The following TMEM132D variants were observed in gnomAD, a reference collection of about 807,000 sequenced individuals.
TMEM132D encodes transmembrane protein 132D.
A neutral mutation model predicts 62.3 loss-of-function variants in TMEM132D; 21 were observed. The ratio of observed to expected loss-of-function variants is 0.34; its 90% CI spans 0.24 to 0.49. TMEM132D has a LOEUF of 0.49. TMEM132D is among the 20% of genes least tolerant of loss of function. TMEM132D has a pLI of 0.99. For synonymous variants in TMEM132D, 621 were observed against 575.6 expected, an observed-to-expected ratio of 1.08 and a Z score of -1.13; for missense variants, 1,346 against 1,402.8, an observed-to-expected ratio of 0.96 and a Z score of 0.65.
chr12:129,752,402 T>A (rs959261915), intron 1 of TMEM132D, among the ~76,000 whole-genome samples: 5 of 152,228 alleles, frequency 3.3e-5, no homozygotes, highest in African/African-American at 1.2e-4. Context: ...TGTCAACATC[T>A]CTATGCAGGA....
intron 5 of TMEM132D, among the ~76,000 whole-genome samples, chr12:129,141,272 C>T (rs887630757): frequency 2.0e-5 from 3 of 152,128 alleles, no homozygotes; most frequent in African/African-American, 7.2e-5. Flanking sequence ...GTTTACTGAG[C>T]ACTTTTTATG....
chr12:129,336,585 A>AG (rs956606453), intron 4 of TMEM132D, among the ~76,000 whole-genome samples: 8 of 152,146 alleles, frequency 5.3e-5, no homozygotes, highest in African/African-American at 1.9e-4. Context: ...GAAAAAAAAA[A>AG]GAACATTACA....
At chr12:129,179,453 G>T (rs1372976619) in intron 5 of TMEM132D, among the ~76,000 whole-genome samples, 1 of 152,128 alleles carries the variant, frequency 6.6e-6, no homozygotes, top group African/African-American at 2.4e-5. Context: ...TTCTGTGGGA[G>T]ACAAGGGTGA....
chr12:129,455,011 C>T (rs528434427), intron 3 of TMEM132D, among the ~76,000 whole-genome samples: 89 of 152,346 alleles, frequency 5.8e-4, no homozygotes, highest in African/African-American at 2.0e-3. Flanking sequence ...TCAGCCCCGT[C>T]TCTCAGGACC....
intron 1 of TMEM132D, among the ~76,000 whole-genome samples, chr12:129,750,439 T>A (rs1754666587): frequency 6.6e-6 from 1 of 152,218 alleles, no homozygotes; most frequent in African/African-American, 2.4e-5. Context: ...GTTCTGAGAA[T>A]TTTCATCATA....
At chr12:129,241,133 C>T (rs1879925853) in intron 4 of TMEM132D, among the ~76,000 whole-genome samples, 1 of 139,846 alleles carries the variant, frequency 7.2e-6, no homozygotes, top group East Asian at 2.1e-4. Flanking sequence ...CCTTACCATG[C>T]TTCAGCCCTC....
At chr12:129,715,696 G>A (rs1868545880) in intron 1 of TMEM132D, among the ~76,000 whole-genome samples, 1 of 152,156 alleles carries the variant, frequency 6.6e-6, no homozygotes, top group Non-Finnish European at 1.5e-5. Flanking sequence ...TCTGTCTGAT[G>A]TCCTCGATTA....
At chr12:129,103,438 C>G (rs970452620) in intron 5 of TMEM132D, among the ~76,000 whole-genome samples, 1 of 152,208 alleles carries the variant, frequency 6.6e-6, no homozygotes, top group African/African-American at 2.4e-5. Flanking sequence ...GAGGAGCCAG[C>G]AACAGCTGAG....
intron 4 of TMEM132D, among the ~76,000 whole-genome samples, chr12:129,264,433 G>T (rs530955762): frequency 2.4e-4 from 37 of 152,242 alleles, no homozygotes; most frequent in African/African-American, 8.7e-4. Context: ...TTTTGGCGTG[G>T]ATGCTGTGAT....
In TMEM132D at chr12:129,239,626, C is replaced by T. The variant is rs114548559; in HGVS notation, c.1300-29963G>A. 4.9e-3 allele frequency among the ~76,000 whole-genome samples: 741 copies of T among 152,202 alleles called. 4 individuals are homozygous for T. The highest frequency in any genetic ancestry group is 0.016 in the African/African-American group (685 of 41,540). ...GAAGAGAGAGATTTGGGAATAGACA[C>T]GGAAGCAGAGAGAATGCCATCTGAT... On this transcript the variant is annotated intron_variant, in intron 4 of 8. Transcript: ENST00000422113.
intron 1 of TMEM132D, among the ~76,000 whole-genome samples, chr12:129,830,341 T>A (rs1243422333): frequency 1.3e-5 from 2 of 152,058 alleles, no homozygotes; most frequent in Admixed American, 1.3e-4. Context: ...GCCCTCAAAA[T>A]CACTAAAAGC....
intron 2 of TMEM132D, among the ~76,000 whole-genome samples, chr12:129,633,422 T>C (rs923098323): frequency 2.6e-5 from 4 of 152,214 alleles, no homozygotes; most frequent in East Asian, 1.9e-4. Context: ...AGCTTTCTTA[T>C]ATGTCACCTG....
chr12:129,125,928 G>C (rs775801541), intron 5 of TMEM132D, among the ~76,000 whole-genome samples: 1 of 152,156 alleles, frequency 6.6e-6, no homozygotes, highest in Non-Finnish European at 1.5e-5. Flanking sequence ...TTGAAACAGA[G>C]TAAACAGGGT....
chr12:129,659,853 G>A (rs1420534080), intron 2 of TMEM132D, among the ~76,000 whole-genome samples: 1 of 152,178 alleles, frequency 6.6e-6, no homozygotes, highest in Non-Finnish European at 1.5e-5. Flanking sequence ...TTTCAACTGA[G>A]AAACAAAATT....
At chr12:129,200,861 CAGTTGTTTACTCAGCT>C (rs1271453535) in intron 5 of TMEM132D, among the ~76,000 whole-genome samples, 1 of 152,194 alleles carries the variant, frequency 6.6e-6, no homozygotes, top group African/African-American at 2.4e-5. Context: ...CTCTTCCTCC[CAGTTGTTTACTCAGCT>C]TGTTAAGCGT....
rs2123070 is a variant in TMEM132D at position 129,788,520 on chromosome 12, C to T, written c.80-87822G>A. ...AGATATAGAGATATAGCTATAAATA[C>T]AGATCATCAAACTGAAAGTAGAAGA... On this transcript the variant is annotated intron_variant, in intron 1 of 8. Transcript: ENST00000422113. Among the ~76,000 whole-genome samples, 297 of 152,266 alleles carry T rather than the reference C, an allele frequency of 2.0e-3. 1 individual carries two copies. Among genetic ancestry groups the T allele is most frequent in the African/African-American group, 6.8e-3 (282 of 41,546 alleles).
chr12:129,491,941 C>CAAAA (rs10673817), intron 3 of TMEM132D, among the ~76,000 whole-genome samples: 1,647 of 149,254 alleles, frequency 0.011, 25 homozygotes, highest in African/African-American at 0.038. Context: ...GATTCTGTCT[C>CAAAA]AAAAAAAAAA....
intron 1 of TMEM132D, among the ~76,000 whole-genome samples, chr12:129,765,794 T>C (rs1870532030): frequency 1.3e-5 from 2 of 152,200 alleles, no homozygotes; most frequent in South Asian, 4.1e-4. Context: ...AAATAAACTT[T>C]AAACCATGTT....
intron 5 of TMEM132D, among the ~76,000 whole-genome samples, chr12:129,144,925 T>TCTATCTATCTATCTATCTATCTAC (rs1555232599): frequency 3.4e-5 from 5 of 147,548 alleles, no homozygotes; most frequent in African/African-American, 1.2e-4. Flanking sequence ...TATCTATCTA[T>TCTATCTATCTATCTATCTATCTAC]CTACCTATCA....
Sources: gnomAD v4.1 joint callset for allele counts (sites outside exome capture counted in the v4.1 genomes callset) on GRCh38, gnomAD v4.1.1 for gene constraint, MANE v1.5 for transcripts, NCBI Gene and HGNC (gene_info 2026-07-23, HGNC 2026-07-21) for gene names.